The following UGCG variants were observed in gnomAD, a reference collection of about 807,000 sequenced individuals.
UGCG encodes ceramide glucosyltransferase.
A neutral mutation model predicts 49.5 loss-of-function variants in UGCG; 10 were observed. That is an observed-to-expected ratio of 0.20 (90% confidence interval 0.12 to 0.34). UGCG has a LOEUF of 0.34. Among genes scored for constraint, UGCG ranks in the 10% least tolerant of loss-of-function variants. The pLI is 1.00. For synonymous variants in UGCG, 182 were observed against 158.2 expected (o/e 1.15, Z -1.13); for missense variants, 312 against 483.7 (o/e 0.65, Z 3.33).
intron 2 of UGCG, among the ~76,000 whole-genome samples, chr9:111,917,673 T>G (rs1371832964): frequency 6.6e-6 from 1 of 152,246 alleles, no homozygotes; most frequent in East Asian, 1.9e-4. Flanking sequence ...TACTGGTACT[T>G]GCTCTGAATT....
At chr9:111,922,310 G>A (rs1036344787) in intron 2 of UGCG, among the ~76,000 whole-genome samples, 1 of 152,124 alleles carries the variant, frequency 6.6e-6, no homozygotes, top group African/African-American at 2.4e-5. Context: ...AAACAAAAAA[G>A]GGTAATCTTA....
Position 111,932,234 on chromosome 9 carries a change from T to A in UGCG, c.889T>A (p.Phe297Ile). 1 of 1,614,206 alleles carries A rather than the reference T, an allele frequency of 6.2e-7. No individual in the cohort carries two copies. Among genetic ancestry groups the A allele is most frequent in the Non-Finnish European group, 8.5e-7 (1 of 1,180,026 alleles). The change falls in exon 8 of 9, where the codon TTT becomes ATT. Residue 297 changes from phenylalanine (F) to isoleucine (I), a missense_variant. Phe to Ile is a conservative substitution (Grantham distance 21). This residue lies in a region of UGCG where 180 missense variants were observed against 320.4 expected (regional missense o/e 0.56). Coordinates refer to ENST00000374279, the MANE Select transcript of UGCG (RefSeq NM_003358.3). The stretch of plus-strand genomic sequence containing the variant: ...AATTTGTGAGCCAATTTCAGAATGC[T>A]TTGTTGCCAGTTTAATTATTGGATG... The part of the protein sequence containing the change: ...TIICEPISEC[F>I]VASLIIGWAA...
At chr9:111,913,458 G>C (rs180678861) in intron 1 of UGCG, among the ~76,000 whole-genome samples, 13 of 152,090 alleles carry the variant, frequency 8.5e-5, no homozygotes, top group African/African-American at 3.1e-4. Context: ...TTTTGAGACG[G>C]AGTCTCACTC....
intron 2 of UGCG, among the ~76,000 whole-genome samples, chr9:111,922,594 C>G (rs779518781): frequency 1.3e-5 from 2 of 152,152 alleles, no homozygotes; most frequent in African/African-American, 4.8e-5. Context: ...CTGGGAATGG[C>G]AAGACTGCAG....
Position 111,897,094 on chromosome 9 carries a change from T to C in UGCG, c.-122T>C, listed in dbSNP as rs1589513632. 1 of 308,156 alleles carries C rather than the reference T, an allele frequency of 3.2e-6. No individual in the cohort carries two copies. Among genetic ancestry groups the C allele is most frequent in the Non-Finnish European group, 5.8e-6 (1 of 173,212 alleles). The allele number at this position is 308,156 out of a possible 1,614,324, so 19.1% of individuals were successfully genotyped here. A position where few individuals can be genotyped will look rare whatever the true frequency, so the allele number is the denominator to read the frequency against. On this transcript the variant is annotated 5_prime_UTR_variant, in exon 1 of 9. Transcript: ENST00000374279. ...GTCCCCACCCCCCTCCGCCCTTTCC[T>C]CTCCCCACCTTCCTCTCGCCTCCCG... is the stretch of plus-strand genomic sequence containing the variant.
intron 1 of UGCG, among the ~76,000 whole-genome samples, chr9:111,910,163 G>T (rs1837969474): frequency 6.6e-6 from 1 of 152,166 alleles, no homozygotes; most frequent in Admixed American, 6.5e-5. Flanking sequence ...GGAGAAGTAG[G>T]ATCTACTCTA....
chr9:111,911,881 A>G (rs1457232700), intron 1 of UGCG, among the ~76,000 whole-genome samples: 2 of 105,122 alleles, frequency 1.9e-5, no homozygotes, highest in Non-Finnish European at 3.9e-5. Context: ...GCAAGACCCT[A>G]TCTCATATGT....
At chr9:111,930,344 T>C (rs1374603739) in intron 6 of UGCG, among the ~76,000 whole-genome samples, 1 of 152,206 alleles carries the variant, frequency 6.6e-6, no homozygotes, top group African/African-American at 2.4e-5. Flanking sequence ...AGGTGAAAAT[T>C]TAAAGACTAT....
chr9:111,918,557 A>G (rs932670637), intron 2 of UGCG, among the ~76,000 whole-genome samples: 8 of 152,208 alleles, frequency 5.3e-5, no homozygotes, highest in African/African-American at 1.9e-4. Context: ...TAATATGAAT[A>G]TGAGTCTCAT....
At chr9:111,925,167 G>A (rs1203950170) in intron 4 of UGCG, among the ~76,000 whole-genome samples, 1 of 152,178 alleles carries the variant, frequency 6.6e-6, no homozygotes, top group Non-Finnish European at 1.5e-5. Flanking sequence ...TCCCATGGGT[G>A]TAACTTTTCC....
intron 1 of UGCG, among the ~76,000 whole-genome samples, chr9:111,910,297 G>A (rs1837972067): frequency 6.6e-6 from 1 of 152,162 alleles, no homozygotes; most frequent in African/African-American, 2.4e-5. Context: ...AGTTCTCTCT[G>A]CTACTTAGCC....
At chr9:111,900,120 A>ATT (rs11365963) in intron 1 of UGCG, among the ~76,000 whole-genome samples, 11 of 146,006 alleles carry the variant, frequency 7.5e-5, no homozygotes, top group South Asian at 2.2e-4. Context: ...TTATGGGTTA[A>ATT]TTTTTTTTTT....
intron 2 of UGCG, among the ~76,000 whole-genome samples, chr9:111,917,560 T>C (rs1009210883): frequency 2.6e-5 from 4 of 152,220 alleles, no homozygotes; most frequent in South Asian, 2.1e-4. Context: ...TCTTCTAATA[T>C]TCGATTGGGA....
rs1589531273 is a variant in UGCG, at chr9:111,932,236, T to C, written c.891T>C (p.Phe297=). 1 of 1,614,180 alleles carries C rather than the reference T, an allele frequency of 6.2e-7. No individual in the cohort carries two copies. Among genetic ancestry groups the C allele is most frequent in the Non-Finnish European group, 8.5e-7 (1 of 1,180,022 alleles). ...TIICEPISEC[F]VASLIIGWAA... The stretch of plus-strand genomic sequence containing the variant: ...TTTGTGAGCCAATTTCAGAATGCTT[T>C]GTTGCCAGTTTAATTATTGGATGGG... The change falls in exon 8 of 9, where the codon TTT becomes TTC. Residue 297 remains phenylalanine (F), a synonymous_variant. Transcript: ENST00000374279.
chr9:111,929,883 A>T (rs527312959), intron 6 of UGCG, among the ~76,000 whole-genome samples: 15 of 152,174 alleles, frequency 9.9e-5, no homozygotes, highest in African/African-American at 3.6e-4. Flanking sequence ...CAGTGGCGCG[A>T]TCTTGGCTCA....
chr9:111,932,863 G>GAT lies in UGCG; in HGVS notation c.1051_1052insAT (p.Val351AspfsTer10). 6.2e-7 allele frequency: 1 copy of GAT among 1,607,924 alleles called. No homozygotes were observed. Among genetic ancestry groups the GAT allele is most frequent in the Non-Finnish European group, 8.5e-7 (1 of 1,177,006 alleles). On this transcript the variant is annotated frameshift_variant, in exon 9 of 9. Transcript: ENST00000374279. LOFTEE classifies it high-confidence loss of function. Reference sequence around the variant, plus strand: ...GTGTTTTTCAAAACTTGATTATGCAGTCGCCTGGTTCATCCGCGAATCCAT... The same window carrying GAT: ...GTGTTTTTCAAAACTTGATTATGCAGATTCGCCTGGTTCATCCGCGAATCCAT...
chr9:111,924,222 A>G (rs1389980410), intron 3 of UGCG, among the ~76,000 whole-genome samples: 1 of 152,226 alleles, frequency 6.6e-6, no homozygotes, highest in Non-Finnish European at 1.5e-5. Context: ...ATTGACAAAT[A>G]AAATTTGTAT....
intron 5 of UGCG, among the ~76,000 whole-genome samples, chr9:111,928,920 C>G (rs915940883): frequency 1.3e-5 from 2 of 151,842 alleles, no homozygotes; most frequent in African/African-American, 4.8e-5. Flanking sequence ...TTTAGTATCC[C>G]CGTTATGAAA....
chr9:111,918,243 T>C (rs1270442209), intron 2 of UGCG, among the ~76,000 whole-genome samples: 2 of 152,172 alleles, frequency 1.3e-5, no homozygotes, highest in East Asian at 3.8e-4. Context: ...GATTTCATCA[T>C]GTTGGCCAGG....
Sources: allele counts gnomAD v4.1 joint callset (sites outside exome capture counted in the v4.1 genomes callset), GRCh38; gene constraint gnomAD v4.1.1; regional missense constraint gnomAD v4.1.1; transcripts MANE v1.5; gene names NCBI Gene and HGNC (gene_info 2026-07-23, HGNC 2026-07-21).